Variants in NFIB observed in about 807,000 individuals in gnomAD.
NFIB encodes nuclear factor 1 B-type.
A neutral mutation model predicts 61.5 loss-of-function variants in NFIB; 11 were observed. The ratio of observed to expected loss-of-function variants is 0.18; its 90% confidence interval spans 0.11 to 0.30. NFIB has a LOEUF of 0.30. Ranked by LOEUF, NFIB falls within the 10% of genes least tolerant of loss-of-function variation. The pLI is 1.00. For missense variants in NFIB, 471 were observed against 608.9 expected (o/e 0.77, Z 2.38); for synonymous variants, 260 against 216.5 (o/e 1.20, Z -1.76).
the NFIB span, among the ~76,000 whole-genome samples, chr9:14,404,155 G>A: frequency 6.6e-6 from 1 of 152,124 alleles, no homozygotes; most frequent in African/African-American, 2.4e-5. Flanking sequence ...CACTCCTGTG[G>A]TGTGGTCCAT....
At chr9:14,212,690 A>C (rs73645012) in intron 2 of NFIB, among the ~76,000 whole-genome samples, 11 of 152,294 alleles carry the variant, frequency 7.2e-5, no homozygotes, top group African/African-American at 2.6e-4. Flanking sequence ...CACATAATAT[A>C]ATTAATAAAT....
chr9:14,361,147 G>A (rs2061235037), intron 1 of NFIB: 1 of 151,140 alleles, frequency 6.6e-6, no homozygotes, highest in Admixed American at 6.6e-5. Context: ...AGCACATTTT[G>A]GATGAATTCC....
chr9:14,400,423 C>T (rs2061731566), upstream of NFIB, among the ~76,000 whole-genome samples: 1 of 152,020 alleles, frequency 6.6e-6, no homozygotes, highest in Non-Finnish European at 1.5e-5. Context: ...ATGTTTTTCC[C>T]GTTAAATTTT....
chr9:14,316,854 C>A (rs1436339276), upstream of NFIB, among the ~76,000 whole-genome samples: 17 of 152,168 alleles, frequency 1.1e-4, no homozygotes, highest in Non-Finnish European at 7.3e-5. Context: ...TTCAATTTAA[C>A]TGGAGTTAAT....
intron 10 of NFIB, among the ~76,000 whole-genome samples, chr9:14,097,546 T>C (rs961818005): frequency 6.6e-6 from 1 of 152,170 alleles, no homozygotes; most frequent in African/African-American, 2.4e-5. Flanking sequence ...AAATAAAAGT[T>C]AACTCTTTAT....
chr9:14,420,445 C>CAAAAAAAAAAA, the NFIB span, among the ~76,000 whole-genome samples: 21 of 42,430 alleles, frequency 4.9e-4, 1 homozygote, highest in South Asian at 1.6e-3. Flanking sequence ...GACTCCGTCT[C>CAAAAAAAAAAA]AAAAAAAAAA....
intron 4 of NFIB, among the ~76,000 whole-genome samples, chr9:14,152,876 G>C (rs967003149): frequency 4.0e-5 from 6 of 151,890 alleles, no homozygotes; most frequent in African/African-American, 1.2e-4. Flanking sequence ...GGAGGGTGGG[G>C]AGGTGAGGAG....
the NFIB span, among the ~76,000 whole-genome samples, chr9:14,493,025 G>A: frequency 6.6e-6 from 1 of 152,208 alleles, no homozygotes; most frequent in Non-Finnish European, 1.5e-5. Flanking sequence ...AGCCCGTGAT[G>A]CTGTGCTCTA....
intron 1 of NFIB, among the ~76,000 whole-genome samples, chr9:14,353,468 C>T (rs1179832713): frequency 6.6e-6 from 1 of 152,136 alleles, no homozygotes; most frequent in African/African-American, 2.4e-5. Flanking sequence ...TGAACTGCTG[C>T]ATCCCTGCAC....
chr9:14,305,915 C>A (rs1000929888), intron 2 of NFIB: 2 of 1,215,844 alleles, frequency 1.6e-6, no homozygotes, highest in Admixed American at 3.8e-5. Flanking sequence ...CTTCAGTCTA[C>A]TTTTGGTATG....
At chr9:14,473,638 T>A in the NFIB span, among the ~76,000 whole-genome samples, 39 of 152,322 alleles carry the variant, frequency 2.6e-4, no homozygotes, top group East Asian at 7.5e-3. Context: ...TCTCTCCAAG[T>A]CTGCATCCCA....
At chr9:14,094,192 G>A (rs916462758) in intron 10 of NFIB, 1 of 152,036 alleles carries the variant, frequency 6.6e-6, no homozygotes, top group Non-Finnish European at 1.5e-5. Flanking sequence ...TCCCCTTCCT[G>A]TGAAGCATAG....
intron 2 of NFIB, among the ~76,000 whole-genome samples, chr9:14,253,593 G>A (rs767346808): frequency 8.5e-5 from 13 of 152,192 alleles, no homozygotes; most frequent in African/African-American, 1.2e-4. Context: ...CTACTTGGGT[G>A]GCTGAGGCGG....
intron 6 of NFIB, among the ~76,000 whole-genome samples, chr9:14,127,012 A>T (rs2039740203): frequency 6.6e-6 from 1 of 152,210 alleles, no homozygotes; most frequent in South Asian, 2.1e-4. Context: ...CTGTGATAGG[A>T]AAAGAATTCA....
chr9:14,375,430 G>C (rs983452350), intron 1 of NFIB, among the ~76,000 whole-genome samples: 3 of 152,130 alleles, frequency 2.0e-5, no homozygotes, highest in Non-Finnish European at 4.4e-5. Context: ...GGCCAAGGTG[G>C]GTGGATCACA....
chr9:14,260,590 C>A (rs1310316777), intron 2 of NFIB, among the ~76,000 whole-genome samples: 4 of 152,142 alleles, frequency 2.6e-5, no homozygotes, highest in Non-Finnish European at 4.4e-5. Flanking sequence ...TGGAAGACAG[C>A]CATTTAGGAA....
the NFIB span, among the ~76,000 whole-genome samples, chr9:14,426,205 T>C: frequency 6.6e-6 from 1 of 152,044 alleles, no homozygotes; most frequent in African/African-American, 2.4e-5. Context: ...ATCAGAGCGC[T>C]CTGTTCATAG....
At chr9:14,243,249 C>G (rs1052152473) in intron 2 of NFIB, among the ~76,000 whole-genome samples, 1 of 152,092 alleles carries the variant, frequency 6.6e-6, no homozygotes, top group Non-Finnish European at 1.5e-5. Context: ...TGTTTTACTT[C>G]TAGCATATGA....
chr9:14,150,059 C>T (rs573803728), intron 5 of NFIB, 86 bp downstream of exon 5: 103 of 1,550,124 alleles, frequency 6.6e-5, no homozygotes, highest in Non-Finnish European at 8.8e-5. Flanking sequence ...TCTCTCTTTA[C>T]CTACCTACCT....
Sources: gnomAD v4.1 joint callset for allele counts (sites outside exome capture counted in the v4.1 genomes callset) on GRCh38, gnomAD v4.1.1 for gene constraint, MANE v1.5 for transcripts, NCBI Gene and HGNC (gene_info 2026-07-23, HGNC 2026-07-21) for gene names.